Variants in ZNF251 observed in about 807,000 individuals in gnomAD.
ZNF251 encodes the protein zinc finger protein 251.
A neutral mutation model predicts 13.5 loss-of-function variants in ZNF251; 14 were observed. That is an observed-to-expected ratio of 1.04 (90% CI 0.69 to 1.63). The LOEUF (loss-of-function observed/expected upper bound fraction) is 1.63. ZNF251 is among the 40% of genes most tolerant of loss of function. The probability of loss-of-function intolerance (pLI) is 0.00; values close to 1 mark genes in which losing one functional copy is unlikely to be tolerated. For missense variants in ZNF251, 764 were observed against 834.9 expected, an observed-to-expected ratio of 0.92 and a Z score of 1.05; for synonymous variants, 287 against 295.2, an observed-to-expected ratio of 0.97 and a Z score of 0.28.
chr8:144,726,579 G>A (rs1464832226), intron 4 of ZNF251, among the ~76,000 whole-genome samples: 2 of 151,600 alleles, frequency 1.3e-5, no homozygotes, highest in Non-Finnish European at 2.9e-5. Flanking sequence ...AGAAAACTTA[G>A]CCAGGCATAG....
chr8:144,752,135 CAAAAAA>C (rs745386892), intron 4 of ZNF251, among the ~76,000 whole-genome samples: 3 of 86,194 alleles, frequency 3.5e-5, no homozygotes, highest in African/African-American at 8.0e-5. Context: ...ATAACTAGAC[CAAAAAA>C]AAAAAAAAAA....
chr8:144,753,460 C>G (rs1240078909), intron 4 of ZNF251: 1 of 450,686 alleles, frequency 2.2e-6, no homozygotes, highest in Non-Finnish European at 3.9e-6. Flanking sequence ...AAAATATGAT[C>G]AGAAGTAGTA....
chr8:144,727,194 T>G (rs1823544982), intron 4 of ZNF251, among the ~76,000 whole-genome samples: 1 of 152,210 alleles, frequency 6.6e-6, no homozygotes, highest in African/African-American at 2.4e-5. Context: ...CCACTAGGCT[T>G]CTGTAGAGCT....
chr8:144,746,522 C>G (rs1824438010), intron 4 of ZNF251, among the ~76,000 whole-genome samples: 1 of 152,120 alleles, frequency 6.6e-6, no homozygotes, highest in South Asian at 2.1e-4. Flanking sequence ...AGGAAGTATT[C>G]CCTCTGTTTT....
chr8:144,745,464 T>C (rs1017163614), intron 4 of ZNF251, among the ~76,000 whole-genome samples: 1 of 152,170 alleles, frequency 6.6e-6, no homozygotes, highest in Admixed American at 6.5e-5. Context: ...TCTCTTTCAA[T>C]ATTGAGTTGA....
chr8:144,755,491 C>G lies in ZNF251; in HGVS notation c.-162G>C. ...GCCCGGAACGGACCCTCCCACAGAA[C>G]CGGGTCCAGAGCCGGGGAGGGGGCG... On this transcript the variant is annotated 5_prime_UTR_variant, in exon 1 of 5. Transcript: ENST00000292562. The G allele has an allele frequency of 7.8e-7, 1 of 1,287,076 alleles. No individual in the cohort carries two copies. Among genetic ancestry groups the G allele is most frequent in the African/African-American group, 1.5e-5 (1 of 65,786 alleles). 79.7% of individuals were successfully genotyped at this position (1,287,076 alleles called of 1,614,324 possible). A position where few individuals can be genotyped will look rare whatever the true frequency, so the allele number is the denominator to read the frequency against.
intron 4 of ZNF251, among the ~76,000 whole-genome samples, chr8:144,724,687 A>G (rs1232909275): frequency 6.6e-6 from 1 of 152,174 alleles, no homozygotes; most frequent in Non-Finnish European, 1.5e-5. Context: ...ATGTCCAAAA[A>G]CGGGGCTGTT....
intron 4 of ZNF251, among the ~76,000 whole-genome samples, chr8:144,726,731 G>A (rs1377374963): frequency 1.3e-5 from 2 of 151,918 alleles, no homozygotes; most frequent in Non-Finnish European, 2.9e-5. Flanking sequence ...TTAGCCAGGC[G>A]CGGTGGCAGG....
At chr8:144,739,582 A>G (rs545050722) in intron 4 of ZNF251, among the ~76,000 whole-genome samples, 37 of 152,362 alleles carry the variant, frequency 2.4e-4, no homozygotes, top group Admixed American at 2.3e-3. Context: ...AAAAATGCCC[A>G]AAGTGCCGGA....
Position 144,723,399 on chromosome 8 carries a change from T to A in ZNF251, c.278-17A>T. On this transcript the variant is annotated splice_polypyrimidine_tract_variant and intron_variant, in intron 4 of 4. Transcript: ENST00000292562. ...CCTCAGAATCTGTTAAAGAAAAATA[T>A]AAATGAGTTACTAGAGAAAACCTTC... is the stretch of plus-strand genomic sequence containing the variant. 1 of 1,430,956 alleles carries A rather than the reference T, an allele frequency of 7.0e-7. No individual in the cohort carries two copies. Among genetic ancestry groups the A allele is most frequent in the East Asian group, 2.4e-5 (1 of 41,658 alleles). 88.6% of individuals were successfully genotyped at this position (1,430,956 alleles called of 1,614,324 possible).
At chr8:144,738,047 T>C (rs556651641) in intron 4 of ZNF251, among the ~76,000 whole-genome samples, 1 of 152,016 alleles carries the variant, frequency 6.6e-6, no homozygotes, top group East Asian at 1.9e-4. Flanking sequence ...AGACAAGAGT[T>C]TCCATATCTT....
At chr8:144,746,766 CTT>C (rs35171055) in intron 4 of ZNF251, among the ~76,000 whole-genome samples, 3 of 146,790 alleles carry the variant, frequency 2.0e-5, no homozygotes, top group East Asian at 2.0e-4. Context: ...AGTTGTTCAT[CTT>C]TTTTTTTTTA....
At position 144,730,101 on chromosome 8, in the gene ZNF251, C is replaced by A. The variant is rs1823649723; in HGVS notation, c.278-6719G>T. 6 of 985,342 alleles carry A rather than the reference C, an allele frequency of 6.1e-6. No individual in the cohort carries two copies. The Admixed American group carries it at 3.1e-4, about 50-fold the overall frequency. 61.0% of individuals were successfully genotyped at this position (985,342 alleles called of 1,614,324 possible). On this transcript the variant is annotated intron_variant, in intron 4 of 4. Coordinates refer to ENST00000292562, the MANE Select transcript of ZNF251 (RefSeq NM_138367.2). ...GCAGTGCCTCTCCCTTCGTACATCA[C>A]CAGAGTCGGCTGAAAAGTGCCAAAA...
rs948616365 is a variant in ZNF251, at chr8:144,755,393, A to C, written c.-76+12T>G. 6.2e-5 allele frequency: 80 copies of C among 1,288,068 alleles called. No individual in the cohort carries two copies. Among genetic ancestry groups the C allele is most frequent in the Non-Finnish European group, 7.9e-5 (78 of 988,770 alleles). 79.8% of individuals were successfully genotyped at this position (1,288,068 alleles called of 1,614,324 possible). A position where few individuals can be genotyped will look rare whatever the true frequency, so the allele number is the denominator to read the frequency against. ...CCGCTTGGCGCTCCTTCCTGGTCCG[A>C]CACTGCCCCACCTGTTTGCTCGACC... On this transcript the variant is annotated intron_variant, in intron 1 of 4. Transcript: ENST00000292562.
chr8:144,755,025 C>T (rs1388034919), intron 1 of ZNF251: 7 of 1,375,090 alleles, frequency 5.1e-6, no homozygotes, highest in South Asian at 5.1e-5. Flanking sequence ...GGGGTGAAAG[C>T]TGGCAGTTCC....
chr8:144,735,950 A>G (rs114059503), intron 4 of ZNF251, among the ~76,000 whole-genome samples: 4,698 of 152,236 alleles, frequency 0.031, 245 homozygotes, highest in African/African-American at 0.11. Context: ...GCCGGACCTC[A>G]ACTGACCCTG....
intron 1 of ZNF251, chr8:144,755,149 G>C (rs751782795): frequency 1.4e-4 from 166 of 1,191,516 alleles, no homozygotes; most frequent in Non-Finnish European, 1.7e-4. Context: ...GGCTGAGGAC[G>C]TGAGAAGGAG....
chr8:144,742,855 T>C (rs577126099), intron 4 of ZNF251, among the ~76,000 whole-genome samples: 1 of 152,276 alleles, frequency 6.6e-6, no homozygotes, highest in South Asian at 2.1e-4. Context: ...AGCTGGCCTT[T>C]CAGAATCCAC....
In ZNF251 at chr8:144,723,309, T is replaced by C. The variant is rs1166771596; in HGVS notation, c.351A>G (p.Glu117=). The C allele has an allele frequency of 1.3e-6, 2 of 1,560,160 alleles. No individual in the cohort carries two copies. Among genetic ancestry groups the C allele is most frequent in the Non-Finnish European group, 1.7e-6 (2 of 1,155,586 alleles). Residue 117 remains glutamate, a synonymous_variant, in exon 5 of 5, where the codon GAA becomes GAG. Transcript: ENST00000292562. ...QKFSEEVKTP[E]FVSRRLLRDN... is the part of the protein sequence containing the mutation. ...CCCTTAAGAGTCTTCTTGATACAAA[T>C]TCTGGGGTTTTTACTTCTTCGGAAA...
Sources: allele counts gnomAD v4.1 joint callset (sites outside exome capture counted in the v4.1 genomes callset), GRCh38; gene constraint gnomAD v4.1.1; transcripts MANE v1.5; gene names NCBI Gene and HGNC (gene_info 2026-07-23, HGNC 2026-07-21).